PDGFRL: variants seen among roughly 807,000 people sequenced by gnomAD.
PDGFRL encodes the protein platelet derived growth factor receptor like.
In PDGFRL, 46 loss-of-function variants were observed where a neutral mutation model predicts 37.2. That is an observed-to-expected ratio of 1.24 (90% CI 0.98 to 1.58). The LOEUF is 1.58. Ranked by LOEUF, PDGFRL falls within the 40% of genes most tolerant of loss-of-function variation. The pLI is 0.00. For missense variants in PDGFRL, 692 were observed against 467.6 expected (o/e 1.48, Z -4.43); for synonymous variants, 251 against 184.3 (o/e 1.36, Z -2.93).
chr8:17,597,376 T>C (rs1370811248), intron 2 of PDGFRL, among the ~76,000 whole-genome samples: 1 of 152,186 alleles, frequency 6.6e-6, no homozygotes, highest in African/African-American at 2.4e-5. Flanking sequence ...ACCACATTTA[T>C]CCGAATGTAA....
intron 5 of PDGFRL, among the ~76,000 whole-genome samples, chr8:17,634,809 C>T (rs529281647): frequency 2.6e-5 from 4 of 152,110 alleles, no homozygotes; most frequent in African/African-American, 4.8e-5. Context: ...ACACTGGGGC[C>T]TACCTGGGGG....
At chr8:17,617,833 A>G (rs748440634) in intron 2 of PDGFRL, among the ~76,000 whole-genome samples, 26 of 152,098 alleles carry the variant, frequency 1.7e-4, no homozygotes, top group South Asian at 4.1e-4. Context: ...TATACTTTCT[A>G]TCACTACAGT....
intron 2 of PDGFRL, among the ~76,000 whole-genome samples, chr8:17,594,436 T>A (rs1253301336): frequency 6.6e-6 from 1 of 152,104 alleles, no homozygotes; most frequent in Non-Finnish European, 1.5e-5. Context: ...AGACAGGGTT[T>A]CACTATGATG....
chr8:17,627,203 C>A (rs554422261), intron 3 of PDGFRL, among the ~76,000 whole-genome samples: 1 of 152,196 alleles, frequency 6.6e-6, no homozygotes, highest in African/African-American at 2.4e-5. Context: ...GGTTTTACAA[C>A]TGCTAAGGGT....
intron 2 of PDGFRL, among the ~76,000 whole-genome samples, chr8:17,597,105 C>G (rs771283880): frequency 6.6e-6 from 1 of 152,188 alleles, no homozygotes; most frequent in Non-Finnish European, 1.5e-5. Context: ...ACTGCAACCT[C>G]TACCTCTCAT....
intron 3 of PDGFRL, among the ~76,000 whole-genome samples, chr8:17,622,840 C>T (rs1056466746): frequency 1.3e-5 from 2 of 152,176 alleles, no homozygotes; most frequent in African/African-American, 4.8e-5. Flanking sequence ...TTCCTGGCGG[C>T]TCCACCCCAT....
chr8:17,592,911 TACATGCACACACACACAC>T lies in PDGFRL; in HGVS notation c.353+3150_353+3167del, dbSNP rs1481360258. ...TACATTTGTCCTTCTTAAACCCACA[TACATGCACACACACACAC>T]ACACACACACACACACACACACTAC... On this transcript the variant is annotated intron_variant, in intron 2 of 5. Coordinates refer to ENST00000251630, the MANE Select transcript of PDGFRL (RefSeq NM_001372073.1). 4.1e-5 allele frequency among the ~76,000 whole-genome samples: 6 copies of T among 148,080 alleles called. No individual in the cohort carries two copies. The East Asian group carries it at 5.9e-4, about 14-fold the overall frequency.
In PDGFRL at chr8:17,628,406, A is replaced by C; in HGVS notation, c.506-81A>C. ...CTACTCCTAAGGACTCAGTATTCAG[A>C]GTATGCTGCCAAAATCCTTAAGGGT... is the stretch of plus-strand genomic sequence containing the variant. On this transcript the variant is annotated intron_variant, in intron 3 of 5. Transcript: ENST00000251630. The C allele has an allele frequency of 2.9e-6, 3 of 1,042,540 alleles. No individual in the cohort carries two copies. In the South Asian group the frequency reaches 4.1e-5, roughly 14 times the overall value. 64.6% of individuals were successfully genotyped at this position (1,042,540 alleles called of 1,614,324 possible).
chr8:17,633,973 C>A, intron 4 of PDGFRL, 101 bp from the exon 5 acceptor site: 2 of 1,215,160 alleles, frequency 1.6e-6, no homozygotes, highest in Admixed American at 1.7e-5. Context: ...GTGAGAAAGG[C>A]AGAAAATTCC....
chr8:17,594,708 C>T (rs1355833640), intron 2 of PDGFRL, among the ~76,000 whole-genome samples: 2 of 152,174 alleles, frequency 1.3e-5, no homozygotes, highest in Non-Finnish European at 2.9e-5. Context: ...GCACGTGCCA[C>T]CATGCCTGGC....
At position 17,589,729 on chromosome 8, in the gene PDGFRL, C is replaced by A; in HGVS notation, c.317C>A (p.Pro106His). 1.9e-6 allele frequency: 3 copies of A among 1,612,630 alleles called. No homozygotes were observed. In the South Asian group the frequency reaches 3.3e-5, roughly 18 times the overall value. ...GGGAGTAGAATTGGGTGGAGCTACC[C>A]TGCGTATCTGGACACCTTTAAGGAT... ...CKGSRIGWSY[P>H]AYLDTFKDSR... is the part of the protein sequence containing the mutation. Residue 106 changes from proline (P) to histidine (H), a missense_variant, in exon 2 of 6, where the codon CCT becomes CAT. Physicochemically the swap from Pro to His is moderately conservative, Grantham distance 77. Transcript: ENST00000251630.
intron 1 of PDGFRL, among the ~76,000 whole-genome samples, chr8:17,578,939 C>T (rs2720573): frequency 0.51 from 78,237 of 152,094 alleles, 22,423 homozygotes; most frequent in Non-Finnish European, 0.64. Context: ...GTGGCTCATG[C>T]CTGTAATCCC....
intron 2 of PDGFRL, chr8:17,596,526 A>C: frequency 2.8e-6 from 1 of 355,914 alleles, no homozygotes; most frequent in South Asian, 1.5e-4. Flanking sequence ...AGAGGATTCC[A>C]TGCTTGAAGT....
At chr8:17,585,948 T>G (rs577138624) in intron 1 of PDGFRL, among the ~76,000 whole-genome samples, 2 of 149,026 alleles carry the variant, frequency 1.3e-5, no homozygotes, top group Admixed American at 6.7e-5. Context: ...TTTGGGGTTT[T>G]TGTCTGTTTT....
Position 17,642,816 on chromosome 8 carries a change from T to G in PDGFRL, c.*15T>G. On this transcript the variant is annotated 3_prime_UTR_variant, in exon 6 of 6. Transcript: ENST00000251630. Reference sequence around the variant, plus strand: ...AGTTTTCCTGACTTGGAAAAGGAAATGTAATGAACTTATGGAAAGCCCATT... The same window carrying G: ...AGTTTTCCTGACTTGGAAAAGGAAAGGTAATGAACTTATGGAAAGCCCATT... The G allele has an allele frequency of 1.9e-6, 3 of 1,548,940 alleles. No individual in the cohort carries two copies. The highest frequency in any genetic ancestry group is 2.7e-6 in the Non-Finnish European group (3 of 1,122,674).
intron 2 of PDGFRL, among the ~76,000 whole-genome samples, chr8:17,595,874 C>A (rs1804041665): frequency 6.6e-6 from 1 of 152,180 alleles, no homozygotes; most frequent in African/African-American, 2.4e-5. Flanking sequence ...CTCGAGGGGC[C>A]TTTTGAGGGA....
intron 1 of PDGFRL, among the ~76,000 whole-genome samples, chr8:17,585,631 C>G (rs1803799192): frequency 6.6e-6 from 1 of 152,218 alleles, no homozygotes; most frequent in Admixed American, 6.5e-5. Context: ...GTGTGGTTAA[C>G]TGAGGAGCTA....
chr8:17,595,191 C>T (rs551040962), intron 2 of PDGFRL, among the ~76,000 whole-genome samples: 1 of 152,162 alleles, frequency 6.6e-6, no homozygotes, highest in Non-Finnish European at 1.5e-5. Flanking sequence ...CTGCAGCCAC[C>T]TCCAGGGACT....
At chr8:17,612,527 T>G (rs1181774438) in intron 2 of PDGFRL, among the ~76,000 whole-genome samples, 1 of 152,042 alleles carries the variant, frequency 6.6e-6, no homozygotes, top group Non-Finnish European at 1.5e-5. Context: ...CCTGCCACCA[T>G]ACCCGGGTAA....
Sources: allele counts gnomAD v4.1 joint callset (sites outside exome capture counted in the v4.1 genomes callset), GRCh38; gene constraint gnomAD v4.1.1; transcripts MANE v1.5; gene names NCBI Gene and HGNC (gene_info 2026-07-23, HGNC 2026-07-21).